The following LHFPL4 variants were observed in gnomAD, a reference collection of about 807,000 sequenced individuals.
LHFPL4 encodes LHFPL tetraspan subfamily member 4 protein.
In LHFPL4, 6 loss-of-function variants were observed where a neutral mutation model predicts 20.0. The ratio of observed to expected loss-of-function variants is 0.30; its 90% CI spans 0.16 to 0.59. The LOEUF is 0.59. Among genes scored for constraint, LHFPL4 ranks in the 20% least tolerant of loss-of-function variants. LHFPL4 has a pLI of 0.88. For synonymous variants in LHFPL4, 129 were observed against 143.8 expected, an observed-to-expected ratio of 0.90 and a Z score of 0.74; for missense variants, 215 against 331.2, an observed-to-expected ratio of 0.65 and a Z score of 2.72.
chr3:9,527,433 T>G (rs1424563717), intron 2 of LHFPL4, among the ~76,000 whole-genome samples: 2 of 151,518 alleles, frequency 1.3e-5, no homozygotes, highest in African/African-American at 4.9e-5. Flanking sequence ...ATACAAAAAG[T>G]TAGTGGGCAT....
At chr3:9,515,653 T>A (rs2046295075) in intron 2 of LHFPL4, among the ~76,000 whole-genome samples, 1 of 151,818 alleles carries the variant, frequency 6.6e-6, no homozygotes, top group African/African-American at 2.4e-5. Flanking sequence ...ATTACAGGTG[T>A]GAATTACCAC....
Position 9,506,278 on chromosome 3 carries a change from A to G in LHFPL4, c.407-75T>C. The stretch of plus-strand genomic sequence containing the variant: ...AAGACCATTACTCGCTAGTGTCCGC[A>G]GTCTGGGCCCCACCCTATTGAGGGC... On this transcript the variant is annotated intron_variant, in intron 2 of 3. Coordinates refer to ENST00000287585, the MANE Select transcript of LHFPL4 (RefSeq NM_198560.3). This position sits in a 1 kb window ranked among gnomAD's most constrained non-coding sequence, Gnocchi z 4.5. The G allele has an allele frequency of 8.5e-7, 1 of 1,176,336 alleles. No individual in the cohort carries two copies. Among genetic ancestry groups the G allele is most frequent in the East Asian group, 2.3e-5 (1 of 42,678 alleles). The allele number at this position is 1,176,336 out of a possible 1,614,324, so 72.9% of individuals were successfully genotyped here. A position where few individuals can be genotyped will look rare whatever the true frequency, so the allele number is the denominator to read the frequency against.
At position 9,500,793 on chromosome 3, in the gene LHFPL4, C is replaced by CG. The variant is rs5846640; in HGVS notation, c.*1417dup. ...CAGGCCCCAGGGCAGGGAGGCTCCC[C>CG]GGGAGAGATGGCTCTGCCGCCAGAC... On this transcript the variant is annotated 3_prime_UTR_variant, in exon 4 of 4. Transcript: ENST00000287585. The CG allele has an allele frequency of 7.3e-3, 1,119 of 152,434 alleles. 18 individuals carry two copies. Among genetic ancestry groups the CG allele is most frequent in the African/African-American group, 0.025 (1,019 of 41,580 alleles). 9.4% of individuals were successfully genotyped at this position (152,434 alleles called of 1,614,324 possible).
chr3:9,525,099 G>T (rs553830810), intron 2 of LHFPL4, among the ~76,000 whole-genome samples: 53 of 152,236 alleles, frequency 3.5e-4, no homozygotes, highest in African/African-American at 1.2e-3. Flanking sequence ...AGCAGGTTAG[G>T]CTCTAGTCAC....
chr3:9,539,555 C>T (rs901732737), intron 2 of LHFPL4, among the ~76,000 whole-genome samples: 13 of 151,852 alleles, frequency 8.6e-5, no homozygotes, highest in Admixed American at 3.9e-4. Context: ...TCCCCTCAGA[C>T]TTGAAACACT....
At chr3:9,528,091 G>C (rs2046386568) in intron 2 of LHFPL4, among the ~76,000 whole-genome samples, 1 of 152,132 alleles carries the variant, frequency 6.6e-6, no homozygotes, top group Non-Finnish European at 1.5e-5. Context: ...TTGCAATGAA[G>C]GTTTGAGTAG....
At chr3:9,514,030 T>C (rs946300944) in intron 2 of LHFPL4, among the ~76,000 whole-genome samples, 1 of 152,230 alleles carries the variant, frequency 6.6e-6, no homozygotes, top group African/African-American at 2.4e-5. Flanking sequence ...ACATGTCTAC[T>C]AAGAGGCATC....
At position 9,502,324 on chromosome 3, in the gene LHFPL4, G is replaced by A. The variant is rs111484555; in HGVS notation, c.644-13C>T. The A allele has an allele frequency of 1.8e-4, 282 of 1,556,348 alleles. 1 individual carries two copies. The African/African-American group carries it at 3.4e-3, about 19-fold the overall frequency. ...GAGCCCACAAAATCTAAGAGAGAGA[G>A]AGAGAGAGAGAAGGAGAGAGAATTA... On this transcript the variant is annotated splice_polypyrimidine_tract_variant and intron_variant, in intron 3 of 3. Transcript: ENST00000287585.
rs147332470 is a variant in LHFPL4, at chr3:9,516,862, C to A, written c.407-10659G>T. ...TAGCTCAATCTTGGCTTACTTCCAC[C>A]TCCACCACCTGGGTTCAAGTGATTC... On this transcript the variant is annotated intron_variant, in intron 2 of 3. Transcript: ENST00000287585. Among the ~76,000 whole-genome samples, 363 of 151,178 alleles carry A rather than the reference C, an allele frequency of 2.4e-3. 3 individuals carry two copies. Among genetic ancestry groups the A allele is most frequent in the African/African-American group, 8.4e-3 (344 of 41,038 alleles).
At chr3:9,541,565 A>G (rs2046476539) in intron 2 of LHFPL4, among the ~76,000 whole-genome samples, 1 of 151,940 alleles carries the variant, frequency 6.6e-6, no homozygotes, top group South Asian at 2.1e-4. Flanking sequence ...TGAGGTCAGG[A>G]GTTTGAGACC....
chr3:9,552,111 C>T (rs2046558886), intron 2 of LHFPL4, among the ~76,000 whole-genome samples, 163 bp downstream of exon 2: 1 of 152,022 alleles, frequency 6.6e-6, no homozygotes, highest in Non-Finnish European at 1.5e-5. Context: ...CTCTCTGCAG[C>T]GTACCCCCTC....
chr3:9,547,811 G>C (rs202192130), intron 2 of LHFPL4, among the ~76,000 whole-genome samples: 13 of 110,098 alleles, frequency 1.2e-4, no homozygotes, highest in East Asian at 5.2e-4. Flanking sequence ...GTTTTGTTTT[G>C]TTTTCTTTTA....
intron 2 of LHFPL4, among the ~76,000 whole-genome samples, chr3:9,528,568 C>T (rs1279301271): frequency 6.6e-6 from 1 of 152,196 alleles, no homozygotes; most frequent in Non-Finnish European, 1.5e-5. Flanking sequence ...AACTCCTGTT[C>T]ATGTTGACAT....
At chr3:9,538,537 G>A (rs1354512726) in intron 2 of LHFPL4, among the ~76,000 whole-genome samples, 1 of 152,092 alleles carries the variant, frequency 6.6e-6, no homozygotes, top group Admixed American at 6.6e-5. Flanking sequence ...TTGTGCCATG[G>A]TGTGCACGCA....
intron 2 of LHFPL4, among the ~76,000 whole-genome samples, chr3:9,508,514 G>C (rs1449008893): frequency 1.3e-5 from 2 of 152,216 alleles, no homozygotes; most frequent in Non-Finnish European, 2.9e-5. Flanking sequence ...AGAGCTCAGG[G>C]GAAAACCGGG....
Position 9,552,358 on chromosome 3 carries a change from C to T in LHFPL4, c.322G>A (p.Gly108Ser), listed in dbSNP as rs2046560759. 3.1e-6 allele frequency: 5 copies of T among 1,613,768 alleles called. No individual in the cohort carries two copies. Among genetic ancestry groups the T allele is most frequent in the African/African-American group, 1.3e-5 (1 of 74,920 alleles). ...FVLLSMVLIL[G>S]CITCFSLFFF... is the part of the protein sequence containing the mutation. ...AAAAGCGAAAAGCAGGTGATGCAGC[C>T]GAGGATCAGCACCATGGAGAGCAGC... The change falls in exon 2 of 4, where the codon GGC (glycine) becomes AGC (serine). Residue 108 changes from glycine to serine, a missense_variant. Gly to Ser is a moderately conservative substitution (Grantham distance 56, BLOSUM62 0). Coordinates refer to ENST00000287585, the MANE Select transcript of LHFPL4 (RefSeq NM_198560.3).
chr3:9,541,507 C>T (rs568316685), intron 2 of LHFPL4, among the ~76,000 whole-genome samples: 3 of 152,216 alleles, frequency 2.0e-5, no homozygotes, highest in Admixed American at 1.3e-4. Context: ...CACCATGGCT[C>T]GCGCCTGTAA....
chr3:9,519,559 GTTCT>G (rs1442540942), intron 2 of LHFPL4, among the ~76,000 whole-genome samples: 2 of 151,784 alleles, frequency 1.3e-5, no homozygotes, highest in Non-Finnish European at 2.9e-5. Flanking sequence ...TTTCTCTCTC[GTTCT>G]TTCTCTCTTT....
At chr3:9,537,684 C>G (rs1050880159) in intron 2 of LHFPL4, among the ~76,000 whole-genome samples, 1 of 152,162 alleles carries the variant, frequency 6.6e-6, no homozygotes, top group East Asian at 1.9e-4. Flanking sequence ...TCCTCAGCCC[C>G]TCAATTGCTA....
Sources: gnomAD v4.1 joint callset for allele counts (sites outside exome capture counted in the v4.1 genomes callset) on GRCh38, gnomAD v4.1.1 for gene constraint, Gnocchi (gnomAD v3.1) non-coding constraint, MANE v1.5 for transcripts, NCBI Gene and HGNC (gene_info 2026-07-23, HGNC 2026-07-21) for gene names.